The following OPCML variants were observed in gnomAD, a reference collection of about 807,000 sequenced individuals.
OPCML encodes the protein opioid binding protein/cell adhesion molecule like.
OPCML carries 13 observed loss-of-function variants against 37.8 expected under a neutral mutation model. The ratio of observed to expected loss-of-function variants is 0.34; its 90% CI spans 0.22 to 0.55. OPCML has a LOEUF of 0.55. Ranked by LOEUF, OPCML falls within the 20% of genes least tolerant of loss-of-function variation. The pLI, the probability that OPCML is intolerant of heterozygous loss-of-function variation, is 0.91. For missense variants in OPCML, 341 were observed against 435.6 expected (o/e 0.78, Z 1.93); for synonymous variants, 176 against 168.8 (o/e 1.04, Z -0.33).
At chr11:132,522,603 C>A (rs2096296629) in intron 4 of OPCML, among the ~76,000 whole-genome samples, 1 of 152,200 alleles carries the variant, frequency 6.6e-6, no homozygotes, top group Admixed American at 6.5e-5. Flanking sequence ...GCTTTCCATT[C>A]ATTCTCTCTT....
At chr11:132,988,737 T>A (rs1946723772) in intron 1 of OPCML, among the ~76,000 whole-genome samples, 1 of 152,192 alleles carries the variant, frequency 6.6e-6, no homozygotes, top group African/African-American at 2.4e-5. Flanking sequence ...GTTTGTTTGA[T>A]CAAAGGATAA....
chr11:133,173,105 C>T lies in OPCML; in HGVS notation c.62-230095G>A, dbSNP rs1378489225. ...AATCTTCCACTTTACGTTGGGCTTG[C>T]TTCCAAGTGGTAATAGCCATTTCCA... On this transcript the variant is annotated intron_variant, in intron 1 of 7. Coordinates refer to ENST00000524381, the MANE Select transcript of OPCML (RefSeq NM_001012393.5). This position sits in a 1 kb window ranked among gnomAD's most constrained non-coding sequence, Gnocchi z 7.8. Among the ~76,000 whole-genome samples the T allele has an allele frequency of 6.6e-6, 1 of 152,156 alleles. No individual in the cohort carries two copies. The highest frequency in any genetic ancestry group is 1.5e-5 in the Non-Finnish European group (1 of 68,026).
At chr11:132,490,692 G>A (rs999490724) in intron 4 of OPCML, among the ~76,000 whole-genome samples, 6 of 151,804 alleles carry the variant, frequency 4.0e-5, no homozygotes, top group Non-Finnish European at 7.4e-5. Context: ...GGTGGCGGGC[G>A]CCTGTGGTCC....
chr11:133,055,711 G>A (rs371278997), intron 1 of OPCML, among the ~76,000 whole-genome samples: 17 of 151,184 alleles, frequency 1.1e-4, no homozygotes, highest in African/African-American at 3.7e-4. Flanking sequence ...ACCCCATGAG[G>A]GAGCCACCTC....
intron 1 of OPCML, among the ~76,000 whole-genome samples, chr11:133,233,271 G>A (rs1057175177): frequency 2.0e-5 from 3 of 152,140 alleles, no homozygotes; most frequent in Non-Finnish European, 4.4e-5. Context: ...GGATCAGAAC[G>A]TGCCATCCCC....
chr11:132,442,648 T>G (rs1387536362), intron 4 of OPCML, among the ~76,000 whole-genome samples: 1 of 152,218 alleles, frequency 6.6e-6, no homozygotes, highest in East Asian at 1.9e-4. Context: ...TCCCCACGTG[T>G]CAAGGGCAGG....
At chr11:133,470,102 C>A (rs955814502) in intron 1 of OPCML, among the ~76,000 whole-genome samples, 14 of 152,136 alleles carry the variant, frequency 9.2e-5, no homozygotes, top group African/African-American at 3.4e-4. Context: ...AGAATAATGG[C>A]AAAGACCTCC....
chr11:132,508,394 T>C (rs1356911421), intron 4 of OPCML, among the ~76,000 whole-genome samples: 1 of 152,204 alleles, frequency 6.6e-6, no homozygotes, highest in African/African-American at 2.4e-5. Context: ...TATTCTTGGT[T>C]GCAAGGTTGG....
At chr11:133,366,235 A>G (rs556010923) in intron 1 of OPCML, among the ~76,000 whole-genome samples, 1 of 152,292 alleles carries the variant, frequency 6.6e-6, no homozygotes, top group African/African-American at 2.4e-5. Flanking sequence ...CACGAATACA[A>G]ATCCTGCTGT....
At chr11:132,556,931 G>C (rs975346359) in intron 3 of OPCML, among the ~76,000 whole-genome samples, 17 of 152,122 alleles carry the variant, frequency 1.1e-4, no homozygotes, top group Non-Finnish European at 2.2e-4. Flanking sequence ...TTATCATTTT[G>C]AAACCCATGA....
At chr11:133,223,531 T>G (rs545405052) in intron 1 of OPCML, among the ~76,000 whole-genome samples, 9 of 152,154 alleles carry the variant, frequency 5.9e-5, no homozygotes, top group African/African-American at 2.2e-4. Context: ...GGGAAAAATA[T>G]GGGGACGGGG....
chr11:133,481,822 C>A (rs752155073), intron 1 of OPCML, among the ~76,000 whole-genome samples: 1 of 152,094 alleles, frequency 6.6e-6, no homozygotes, highest in Non-Finnish European at 1.5e-5. Flanking sequence ...GACTATTCAA[C>A]GGGATGGAGG....
chr11:132,569,964 C>T (rs761315964), intron 3 of OPCML, among the ~76,000 whole-genome samples: 10 of 148,794 alleles, frequency 6.7e-5, no homozygotes, highest in Non-Finnish European at 1.0e-4. Context: ...AAAAAAAAAC[C>T]GAAAAGCTAA....
intron 1 of OPCML, among the ~76,000 whole-genome samples, chr11:133,151,677 C>T (rs57554666): frequency 0.051 from 7,772 of 152,276 alleles, 219 homozygotes; most frequent in South Asian, 0.099. Flanking sequence ...CTCCACAGCT[C>T]TGTCCCAGAG....
chr11:132,649,288 A>G (rs1272002480), intron 3 of OPCML, among the ~76,000 whole-genome samples: 1 of 152,102 alleles, frequency 6.6e-6, no homozygotes, highest in African/African-American at 2.4e-5. Flanking sequence ...CTTTTTTTAT[A>G]AACTGTGTTG....
chr11:132,741,628 T>C (rs79745701), intron 2 of OPCML, among the ~76,000 whole-genome samples: 54 of 152,364 alleles, frequency 3.5e-4, no homozygotes, highest in Non-Finnish European at 7.3e-4. Context: ...TAAGTCCTTA[T>C]AATATTACAA....
At chr11:132,908,311 C>T (rs1009658526) in intron 2 of OPCML, among the ~76,000 whole-genome samples, 1 of 152,220 alleles carries the variant, frequency 6.6e-6, no homozygotes, top group African/African-American at 2.4e-5. Flanking sequence ...TATATGCACA[C>T]ACGTGCACAC....
At chr11:133,443,156 A>G (rs994553979) in intron 1 of OPCML, among the ~76,000 whole-genome samples, 2 of 152,196 alleles carry the variant, frequency 1.3e-5, no homozygotes, top group African/African-American at 4.8e-5. Context: ...CATCACAGCA[A>G]TTCAGGGTCA....
intron 2 of OPCML, among the ~76,000 whole-genome samples, chr11:132,724,721 AG>A (rs751961957): frequency 6.6e-6 from 1 of 152,232 alleles, no homozygotes; most frequent in Non-Finnish European, 1.5e-5. Flanking sequence ...AAAGCAAGTT[AG>A]TTACTTCCTA....
Sources: gnomAD v4.1 joint callset for allele counts (sites outside exome capture counted in the v4.1 genomes callset) on GRCh38, gnomAD v4.1.1 for gene constraint, Gnocchi (gnomAD v3.1) non-coding constraint, MANE v1.5 for transcripts, NCBI Gene and HGNC (gene_info 2026-07-23, HGNC 2026-07-21) for gene names.